Variants in KLF12 observed in about 807,000 individuals in gnomAD.
KLF12 encodes the protein Krueppel-like factor 12.
Under a neutral mutation model 37.8 loss-of-function variants are expected in KLF12, and 9 were observed. The observed-to-expected ratio is 0.24, with a 90% CI of 0.14 to 0.42. The LOEUF is 0.42. KLF12 is among the 10% of genes least tolerant of loss of function. The probability of loss-of-function intolerance (pLI) is 1.00; values close to 1 mark genes in which losing one functional copy is unlikely to be tolerated. For synonymous variants in KLF12, 208 were observed against 202.1 expected (o/e 1.03, Z -0.25); for missense variants, 411 against 516.0 (o/e 0.80, Z 1.97).
chr13:74,150,128 A>T, the KLF12 span, among the ~76,000 whole-genome samples: 2 of 151,552 alleles, frequency 1.3e-5, no homozygotes, highest in African/African-American at 4.9e-5. Flanking sequence ...GTAAGGACTG[A>T]TTTTTTTTTC....
At chr13:73,712,294 C>T (rs925366580) in intron 7 of KLF12, among the ~76,000 whole-genome samples, 3 of 142,362 alleles carry the variant, frequency 2.1e-5, no homozygotes, top group Admixed American at 7.2e-5. Flanking sequence ...GCCGAGATTG[C>T]GCCATTGCAC....
At chr13:73,931,484 G>T (rs544915461) in intron 3 of KLF12, among the ~76,000 whole-genome samples, 13 of 152,080 alleles carry the variant, frequency 8.5e-5, no homozygotes, top group African/African-American at 3.1e-4. Context: ...CAGTATAGAA[G>T]TCAGAAGCTA....
chr13:74,100,386 G>C (rs1318827737), intron 1 of KLF12, among the ~76,000 whole-genome samples: 1 of 152,136 alleles, frequency 6.6e-6, no homozygotes, highest in Non-Finnish European at 1.5e-5. Context: ...GGGAGGCCAA[G>C]GTGGGTGGAT....
At chr13:74,118,741 C>A (rs750292992) in intron 1 of KLF12, among the ~76,000 whole-genome samples, 12 of 152,152 alleles carry the variant, frequency 7.9e-5, no homozygotes, top group Non-Finnish European at 1.6e-4. Context: ...ACAAATCAAC[C>A]TTTCCAACAT....
chr13:73,974,041 GAAGA>G lies in KLF12; in HGVS notation c.33+20945_33+20948del, dbSNP rs534621708. Among the ~76,000 whole-genome samples the G allele has an allele frequency of 4.4e-3, 670 of 152,150 alleles. 8 individuals are homozygous for G. Among genetic ancestry groups the G allele is most frequent in the African/African-American group, 0.015 (629 of 41,528 alleles). On this transcript the variant is annotated intron_variant, in intron 2 of 7. Transcript: ENST00000377669. ...GACTAAAAATTGAATTAATAATGTA[GAAGA>G]AAGGCTTAATTCCAAAGAATACAGA...
At chr13:73,849,937 T>C (rs1292005870) in intron 3 of KLF12, among the ~76,000 whole-genome samples, 1 of 152,144 alleles carries the variant, frequency 6.6e-6, no homozygotes, top group Non-Finnish European at 1.5e-5. Flanking sequence ...AAACCCTCCT[T>C]CTAACAACAT....
At chr13:74,250,753 G>C in the KLF12 span, among the ~76,000 whole-genome samples, 2 of 151,870 alleles carry the variant, frequency 1.3e-5, no homozygotes, top group South Asian at 2.1e-4. Context: ...AAGGATCAAG[G>C]CTGCTATAAA....
At chr13:73,738,208 G>C (rs1179181906) in intron 6 of KLF12, among the ~76,000 whole-genome samples, 1 of 144,658 alleles carries the variant, frequency 6.9e-6, no homozygotes, top group Non-Finnish European at 1.5e-5. Context: ...GCAGTGGCCT[G>C]ATCTCAGCTC....
chr13:74,014,811 A>G (rs2138386449), intron 1 of KLF12, among the ~76,000 whole-genome samples: 1 of 152,322 alleles, frequency 6.6e-6, no homozygotes, highest in Admixed American at 6.5e-5. Flanking sequence ...TTTGAAAACC[A>G]AAGGCAAATT....
intron 7 of KLF12, among the ~76,000 whole-genome samples, chr13:73,699,815 G>T (rs1281407603): frequency 6.6e-6 from 1 of 152,154 alleles, no homozygotes; most frequent in Non-Finnish European, 1.5e-5. Flanking sequence ...TAGAGCAAGG[G>T]TTTGTCTGAG....
chr13:73,691,527 C>T lies in KLF12; in HGVS notation c.*3963G>A, dbSNP rs1873820494. The T allele has an allele frequency of 6.6e-6, 1 of 152,628 alleles. No homozygotes were observed. The highest frequency in any genetic ancestry group is 1.5e-5 in the Non-Finnish European group (1 of 68,036). The allele number at this position is 152,628 out of a possible 1,614,324, so 9.5% of individuals were successfully genotyped here. A position where few individuals can be genotyped will look rare whatever the true frequency, so the allele number is the denominator to read the frequency against. On this transcript the variant is annotated 3_prime_UTR_variant, in exon 8 of 8. Coordinates refer to ENST00000377669, the MANE Select transcript of KLF12 (RefSeq NM_007249.5). ...TACCTCACATTCAGTCCCTTATACG[C>T]AGACTGTAACATGGATGCTGGTATT... is the stretch of plus-strand genomic sequence containing the variant.
intron 1 of KLF12, among the ~76,000 whole-genome samples, chr13:74,022,876 GA>G (rs200107283): frequency 1.3e-3 from 184 of 139,072 alleles, no homozygotes; most frequent in Middle Eastern, 3.7e-3. Context: ...ATCCACTGTG[GA>G]AAAAAAAAAA....
chr13:74,069,347 G>T (rs1209368607), intron 1 of KLF12, among the ~76,000 whole-genome samples: 2 of 152,226 alleles, frequency 1.3e-5, no homozygotes, highest in Non-Finnish European at 2.9e-5. Flanking sequence ...CACTGGAAAA[G>T]ATTCTGTTAA....
intron 3 of KLF12, among the ~76,000 whole-genome samples, chr13:73,868,169 G>A (rs1200482453): frequency 1.3e-5 from 2 of 150,958 alleles, no homozygotes; most frequent in African/African-American, 4.9e-5. Context: ...AAAATTAGCC[G>A]GGCATGGTGG....
chr13:73,715,668 G>T, intron 6 of KLF12, 143 bp from the exon 7 acceptor site: 1 of 758,934 alleles, frequency 1.3e-6, no homozygotes. Context: ...CACTATCTTG[G>T]GCAGATCTCA....
intron 1 of KLF12, among the ~76,000 whole-genome samples, chr13:74,036,758 C>T (rs987604254): frequency 6.6e-6 from 1 of 152,122 alleles, no homozygotes; most frequent in Non-Finnish European, 1.5e-5. Flanking sequence ...TCTTCCAGCA[C>T]AATGAAATGT....
chr13:73,915,972 T>C (rs539485983), intron 3 of KLF12, among the ~76,000 whole-genome samples: 5 of 152,246 alleles, frequency 3.3e-5, no homozygotes, highest in Non-Finnish European at 5.9e-5. Flanking sequence ...GAGAAATCTC[T>C]TTTCCAGAAG....
intron 2 of KLF12, among the ~76,000 whole-genome samples, chr13:73,981,037 G>C (rs575884468): frequency 7.9e-5 from 12 of 152,260 alleles, no homozygotes; most frequent in Non-Finnish European, 1.2e-4. Context: ...ATGCCTGCCT[G>C]AAGTCCCAGC....
chr13:73,861,140 AAGTT>A (rs577932002), intron 3 of KLF12, among the ~76,000 whole-genome samples: 83 of 152,304 alleles, frequency 5.4e-4, no homozygotes, highest in African/African-American at 1.8e-3. Flanking sequence ...AAGTTTTTCA[AAGTT>A]AGTTAGGATT....
Sources: gnomAD v4.1 joint callset for allele counts (sites outside exome capture counted in the v4.1 genomes callset) on GRCh38, gnomAD v4.1.1 for gene constraint, MANE v1.5 for transcripts, NCBI Gene and HGNC (gene_info 2026-07-23, HGNC 2026-07-21) for gene names.